The following UGT8 variants were observed in gnomAD, a reference collection of about 807,000 sequenced individuals.
The protein encoded by UGT8 is UDP glycosyltransferase 8, also known as 2-hydroxyacylsphingosine 1-beta-galactosyltransferase.
UGT8 carries 12 observed loss-of-function variants against 40.5 expected under a neutral mutation model. The observed-to-expected ratio is 0.30, with a 90% CI of 0.19 to 0.48. The LOEUF (loss-of-function observed/expected upper bound fraction) is 0.48. Among genes scored for constraint, UGT8 ranks in the 20% least tolerant of loss-of-function variants. UGT8 has a pLI of 0.99. For synonymous variants in UGT8, 224 were observed against 240.4 expected, an observed-to-expected ratio of 0.93 and a Z score of 0.63; for missense variants, 513 against 648.7, an observed-to-expected ratio of 0.79 and a Z score of 2.27.
intron 2 of UGT8, among the ~76,000 whole-genome samples, chr4:114,657,073 G>A (rs144633425): frequency 5.9e-5 from 9 of 151,696 alleles, no homozygotes; most frequent in African/African-American, 9.7e-5. Context: ...TATCATTTCC[G>A]TAGTGATTTT....
At position 114,611,444 on chromosome 4, in the gene UGT8, A is replaced by G. The variant is rs1407596786; in HGVS notation, c.-2-11435A>G. On this transcript the variant is annotated intron_variant, in intron 1 of 5. Coordinates refer to ENST00000310836, the MANE Select transcript of UGT8 (RefSeq NM_001128174.3). ...TATATATATATATATATATATATAT[A>G]TACACACACACACAGAGATATTAGA... Among the ~76,000 whole-genome samples, 259 of 93,282 alleles carry G rather than the reference A, an allele frequency of 2.8e-3. 5 individuals are homozygous for G. Among genetic ancestry groups the G allele is most frequent in the African/African-American group, 1.0e-2 (238 of 23,810 alleles). 61.2% of individuals were successfully genotyped at this position (93,282 alleles called of 152,430 possible).
chr4:114,606,114 G>C (rs1045931752), intron 1 of UGT8, among the ~76,000 whole-genome samples: 3 of 151,842 alleles, frequency 2.0e-5, no homozygotes, highest in African/African-American at 7.3e-5. Context: ...CAAAAAACTT[G>C]GACACACTTC....
rs191167311 is a variant in UGT8 at position 114,675,914 on chromosome 4, C to T, written c.1263-11C>T. The T allele has an allele frequency of 3.7e-4, 588 of 1,599,118 alleles. No individual in the cohort carries two copies. Among genetic ancestry groups the T allele is most frequent in the Non-Finnish European group, 4.9e-4 (571 of 1,172,004 alleles). On this transcript the variant is annotated splice_polypyrimidine_tract_variant and intron_variant, in intron 5 of 5. Transcript: ENST00000310836. ...AGCATCATCATTCTGTGTTTTGTCC[C>T]CTCTCCATAGCTACCGTCAGAGGGC...
intron 1 of UGT8, 106 bp from the exon 2 acceptor site, chr4:114,622,772 AC>A: frequency 1.0e-6 from 1 of 991,852 alleles, no homozygotes; most frequent in Non-Finnish European, 1.4e-6. Context: ...TTTTTTTTAG[AC>A]AAAGTATTAG....
rs990824931 is a variant in UGT8, at chr4:114,601,662, T to C, written c.-3+2688T>C. Among the ~76,000 whole-genome samples, 9 of 152,154 alleles carry C rather than the reference T, an allele frequency of 5.9e-5. 1 individual carries two copies. Among genetic ancestry groups the C allele is most frequent in the Non-Finnish European group, 1.3e-4 (9 of 68,022 alleles). ...GTCTTCCTTGTTCCCTTGGAGAATA[T>C]TGGATATAAGTTATTCTTTCTTGTT... On this transcript the variant is annotated intron_variant, in intron 1 of 5. Coordinates refer to ENST00000310836, the MANE Select transcript of UGT8 (RefSeq NM_001128174.3).
intron 2 of UGT8, among the ~76,000 whole-genome samples, chr4:114,632,295 C>T (rs1055570580): frequency 2.0e-5 from 3 of 152,142 alleles, no homozygotes; most frequent in African/African-American, 7.2e-5. Context: ...GACAGACAAG[C>T]ATGTCTTCCT....
At chr4:114,653,598 T>G (rs1367816573) in intron 2 of UGT8, among the ~76,000 whole-genome samples, 1 of 152,130 alleles carries the variant, frequency 6.6e-6, no homozygotes, top group Non-Finnish European at 1.5e-5. Flanking sequence ...TTTAACTGAT[T>G]ATAAATGTAT....
chr4:114,602,863 T>G (rs1431332825), intron 1 of UGT8, among the ~76,000 whole-genome samples: 2 of 152,214 alleles, frequency 1.3e-5, no homozygotes, highest in African/African-American at 4.8e-5. Context: ...CTCAGGAGTA[T>G]GGACTATTTT....
chr4:114,615,989 G>C (rs545637743), intron 1 of UGT8, among the ~76,000 whole-genome samples: 1 of 151,934 alleles, frequency 6.6e-6, no homozygotes, highest in South Asian at 2.1e-4. Flanking sequence ...ACCTGGCCAT[G>C]TGAGGTGTCA....
intron 1 of UGT8, among the ~76,000 whole-genome samples, chr4:114,621,306 C>G (rs555757106): frequency 6.6e-6 from 1 of 152,118 alleles, no homozygotes; most frequent in Non-Finnish European, 1.5e-5. Flanking sequence ...TCCATTAACC[C>G]TCTTGAGCTT....
chr4:114,663,601 TAAC>T (rs1734681983), intron 2 of UGT8: 1 of 749,414 alleles, frequency 1.3e-6, no homozygotes, highest in Non-Finnish European at 1.6e-6. Context: ...AATGATACAT[TAAC>T]AAATTTTTGC....
intron 5 of UGT8, among the ~76,000 whole-genome samples, chr4:114,673,672 A>C (rs973191778): frequency 2.6e-5 from 4 of 152,232 alleles, no homozygotes; most frequent in African/African-American, 7.2e-5. Flanking sequence ...TGAAGACTTA[A>C]GATTGTTTTT....
At chr4:114,627,878 TA>T (rs1220414975) in intron 2 of UGT8, among the ~76,000 whole-genome samples, 2 of 152,212 alleles carry the variant, frequency 1.3e-5, no homozygotes, top group African/African-American at 4.8e-5. Flanking sequence ...TTGTTTGTTT[TA>T]CATGGCTCTC....
At chr4:114,667,977 A>C in intron 4 of UGT8, 108 bp from the exon 5 acceptor site, 1 of 1,474,304 alleles carries the variant, frequency 6.8e-7, no homozygotes, top group Non-Finnish European at 9.0e-7. Flanking sequence ...GGAATCCTTT[A>C]TCTGAAATGC....
At position 114,623,620 on chromosome 4, in the gene UGT8, C is replaced by T; in HGVS notation, c.740C>T (p.Ala247Val). 2 of 1,614,072 alleles carry T rather than the reference C, an allele frequency of 1.2e-6. No homozygotes were observed. The highest frequency in any genetic ancestry group is 1.7e-6 in the Non-Finnish European group (2 of 1,179,990). ...CTGTGGATGCTGTGTACTGACGTAG[C>T]ACTGGAATTCCCAAGACCCACTCTG... Reference protein sequence around the residue: ...SSLWMLCTDVALEFPRPTLPN... With the variant: ...SSLWMLCTDVVLEFPRPTLPN... Residue 247 changes from alanine to valine, a missense_variant, in exon 2 of 6, where the codon GCA becomes GTA. Ala to Val is a moderately conservative substitution (Grantham distance 64, BLOSUM62 0). Transcript: ENST00000310836.
rs1353955214 is a variant in UGT8, at chr4:114,672,483, G to A, written c.1263-3442G>A. The stretch of plus-strand genomic sequence containing the variant: ...TATATATACCATGGAATAGTATATA[G>A]CATTAAAAAGGAAAGAGGTAACGTG... On this transcript the variant is annotated intron_variant, in intron 5 of 5. Coordinates refer to ENST00000310836, the MANE Select transcript of UGT8 (RefSeq NM_001128174.3). Among the ~76,000 whole-genome samples, 13 of 152,172 alleles carry A rather than the reference G, an allele frequency of 8.5e-5. 1 individual carries two copies. Among genetic ancestry groups the A allele is most frequent in the Admixed American group, 7.2e-4 (11 of 15,276 alleles).
chr4:114,646,392 T>C (rs1578442119), intron 2 of UGT8, among the ~76,000 whole-genome samples: 1 of 151,874 alleles, frequency 6.6e-6, no homozygotes, highest in African/African-American at 2.4e-5. Flanking sequence ...TATCTATATA[T>C]ATATGCATAA....
At chr4:114,638,801 G>T (rs1733038733) in intron 2 of UGT8, among the ~76,000 whole-genome samples, 1 of 152,138 alleles carries the variant, frequency 6.6e-6, no homozygotes, top group Non-Finnish European at 1.5e-5. Flanking sequence ...AGTTTTGTAG[G>T]TCTGTTGTGG....
At chr4:114,640,067 G>A (rs1733119677) in intron 2 of UGT8, among the ~76,000 whole-genome samples, 1 of 135,794 alleles carries the variant, frequency 7.4e-6, no homozygotes, top group African/African-American at 2.7e-5. Flanking sequence ...GTCTCGCTCT[G>A]TCGCCCAGGC....
Sources: gnomAD v4.1 joint callset for allele counts (sites outside exome capture counted in the v4.1 genomes callset) on GRCh38, gnomAD v4.1.1 for gene constraint, MANE v1.5 for transcripts, NCBI Gene and HGNC (gene_info 2026-07-23, HGNC 2026-07-21) for gene names.